Variants in NLRP9 observed in about 807,000 individuals in gnomAD.
The protein encoded by NLRP9 is NLR family pyrin domain containing 9.
NLRP9 carries 88 observed loss-of-function variants against 83.1 expected under a neutral mutation model. The ratio of observed to expected loss-of-function variants is 1.06; its 90% CI spans 0.89 to 1.26. NLRP9 has a LOEUF of 1.26. Ranked by LOEUF, NLRP9 falls within the 50% of genes most tolerant of loss-of-function variation. NLRP9 has a pLI of 0.00. For missense variants in NLRP9, 1,308 were observed against 1,179.3 expected, an observed-to-expected ratio of 1.11 and a Z score of -1.60; for synonymous variants, 521 against 447.6, an observed-to-expected ratio of 1.16 and a Z score of -2.07.
In NLRP9 at chr19:55,712,445, G is replaced by T; in HGVS notation, c.2647C>A (p.Pro883Thr). The T allele has an allele frequency of 2.5e-6, 4 of 1,612,718 alleles. No individual in the cohort carries two copies. In the African/African-American group the frequency reaches 5.3e-5, roughly 22 times the overall value. ...CCGAGACACTCTAATTTACAGTGAG[G>T]ATGCTGCAAAGCTGCACATAACTGT... Reference protein sequence around the residue: ...VRQLCAALQHPHCKLECLGLQ... With the variant: ...VRQLCAALQHTHCKLECLGLQ... Residue 883 changes from proline (P) to threonine (T), a missense_variant, in exon 7 of 9, where the codon CCT becomes ACT. Transcript: ENST00000332836.
At chr19:55,733,665 G>A (rs1399961324) in intron 1 of NLRP9, 115 bp from the exon 2 acceptor site, 5 of 672,744 alleles carry the variant, frequency 7.4e-6, no homozygotes, top group African/African-American at 1.8e-5. Context: ...CTGAAGCCAG[G>A]GTGCTTTTAA....
chr19:55,729,912 T>C lies in NLRP9; in HGVS notation c.1913A>G (p.Glu638Gly), dbSNP rs1480845063. 6.2e-7 allele frequency: 1 copy of C among 1,613,884 alleles called. No individual in the cohort carries two copies. Among genetic ancestry groups the C allele is most frequent in the Non-Finnish European group, 8.5e-7 (1 of 1,179,772 alleles). The change falls in exon 3 of 9, where the codon GAA becomes GGA. Residue 638 changes from glutamate (E) to glycine (G), a missense_variant. Transcript: ENST00000332836. ...TNKNFQILDM[E>G]NTSLDDPSLA... Reference sequence around the variant, plus strand: ...GGAGGGATCATCGAGGCTGGTATTTTCCATGTCTAAAATCTGGAAGTTCTT... The same window carrying C: ...GGAGGGATCATCGAGGCTGGTATTTCCCATGTCTAAAATCTGGAAGTTCTT...
chr19:55,728,075 T>G (rs1203329926), intron 3 of NLRP9, among the ~76,000 whole-genome samples: 1 of 152,200 alleles, frequency 6.6e-6, no homozygotes, highest in Non-Finnish European at 1.5e-5. Flanking sequence ...AAGTGTCATC[T>G]ACCAGGGAAG....
In NLRP9 at chr19:55,734,111, G is replaced by C. The variant is rs147807680; in HGVS notation, c.281-561C>G. Reference sequence around the variant, plus strand: ...TTAAGTTTTTTGTATTTTTAGTAGAGACGGAGTTTCACCGTGTTAGCCAGG... The same window carrying C: ...TTAAGTTTTTTGTATTTTTAGTAGACACGGAGTTTCACCGTGTTAGCCAGG... On this transcript the variant is annotated intron_variant, in intron 1 of 8. Transcript: ENST00000332836. 3.4e-4 allele frequency among the ~76,000 whole-genome samples: 51 copies of C among 151,546 alleles called. No individual in the cohort carries two copies. The East Asian group carries it at 9.3e-3, about 28-fold the overall frequency.
intron 3 of NLRP9, among the ~76,000 whole-genome samples, chr19:55,729,372 C>T (rs1366580568): frequency 6.6e-6 from 1 of 151,986 alleles, no homozygotes; most frequent in Non-Finnish European, 1.5e-5. Flanking sequence ...TCTCCTAATG[C>T]TATCCCTTCC....
chr19:55,711,232 C>CA (rs1600122818), intron 8 of NLRP9: 2 of 306,130 alleles, frequency 6.5e-6, no homozygotes, highest in East Asian at 3.4e-4. Context: ...ATACCCCGCC[C>CA]ATTTGTTTTT....
chr19:55,721,024 G>A (rs773363559), intron 4 of NLRP9, among the ~76,000 whole-genome samples: 7 of 152,194 alleles, frequency 4.6e-5, no homozygotes, highest in Non-Finnish European at 7.3e-5. Context: ...GGGAGAAAAC[G>A]GGACAAGTGG....
At chr19:55,715,771 TC>T (rs1987985157) in intron 5 of NLRP9, among the ~76,000 whole-genome samples, 1 of 151,986 alleles carries the variant, frequency 6.6e-6, no homozygotes, top group Non-Finnish European at 1.5e-5. Flanking sequence ...ACAAACAATC[TC>T]AGATTCCAGT....
chr19:55,733,919 A>AATTTTTTTTTTT (rs1555796186), intron 1 of NLRP9, among the ~76,000 whole-genome samples: 4 of 117,872 alleles, frequency 3.4e-5, no homozygotes, highest in Admixed American at 8.8e-5. Flanking sequence ...TGTCAACCAA[A>AATTTTTTTTTTT]TTTTTTTTTT....
intron 2 of NLRP9, among the ~76,000 whole-genome samples, chr19:55,730,899 A>G (rs917033002): frequency 1.3e-5 from 2 of 152,140 alleles, no homozygotes; most frequent in Non-Finnish European, 2.9e-5. Context: ...CATCCTGCAC[A>G]TGTATCCCTG....
rs906033739 is a variant in NLRP9 at position 55,712,113 on chromosome 19, C to A, written c.2673-143G>T. 8 of 826,374 alleles carry A rather than the reference C, an allele frequency of 9.7e-6. No individual in the cohort carries two copies. In the African/African-American group the frequency reaches 1.4e-4, roughly 14 times the overall value. The allele number at this position is 826,374 out of a possible 1,614,324, so 51.2% of individuals were successfully genotyped here. A position where few individuals can be genotyped will look rare whatever the true frequency, so the allele number is the denominator to read the frequency against. ...GCTTCTCAGCCAGGACGATTGTGCT[C>A]CTGGGGGACGTATGTCTAGTGACCT... On this transcript the variant is annotated intron_variant, in intron 7 of 8. Transcript: ENST00000332836.
Position 55,711,900 on chromosome 19 carries a change from G to A in NLRP9, c.2743C>T (p.Leu915=). ...ATCCAGTCGAGGTTCAGGCTCCTCA[G>A]TGTTTTGCAGGCGATGAGTGCTGCG... is the stretch of plus-strand genomic sequence containing the variant. The part of the protein sequence containing the change: ...IAAALIACKT[L]RSLNLDWIAL... The change falls in exon 8 of 9, where the codon CTG becomes TTG. Residue 915 remains leucine, a synonymous_variant. Transcript: ENST00000332836. 6.2e-7 allele frequency: 1 copy of A among 1,613,338 alleles called. No homozygotes were observed. Among genetic ancestry groups the A allele is most frequent in the Non-Finnish European group, 8.5e-7 (1 of 1,179,974 alleles).
intron 5 of NLRP9, 27 bp from the exon 6 acceptor site, chr19:55,715,252 CCTG>C: frequency 6.2e-7 from 1 of 1,600,806 alleles, no homozygotes; most frequent in Non-Finnish European, 8.5e-7. Context: ...CGTCTCCCAG[CCTG>C]CTGAACAGCA....
intron 8 of NLRP9, 78 bp from the exon 9 acceptor site, chr19:55,709,122 CCT>C (rs1987590429): frequency 2.2e-6 from 2 of 911,522 alleles, no homozygotes; most frequent in Admixed American, 6.9e-5. Context: ...CTGATGTCTA[CCT>C]CTCCTCTCCT....
chr19:55,715,920 C>T (rs942785390), intron 5 of NLRP9, among the ~76,000 whole-genome samples: 1 of 152,110 alleles, frequency 6.6e-6, no homozygotes, highest in Non-Finnish European at 1.5e-5. Flanking sequence ...GTTTAATACA[C>T]ATATTTAAGG....
chr19:55,716,647 G>T, intron 5 of NLRP9, 81 bp downstream of exon 5: 1 of 1,162,958 alleles, frequency 8.6e-7, no homozygotes, highest in Non-Finnish European at 1.3e-6. Context: ...CCCTCAGTGA[G>T]CACCGCGTTG....
rs1430197620 is a variant in NLRP9, at chr19:55,733,004, C to T, written c.827G>A (p.Gly276Glu). Residue 276 changes from glycine (G) to glutamate (E), a missense_variant, in exon 2 of 9, where the codon GGA (glycine) becomes GAA (glutamate). Physicochemically the swap from Gly to Glu is moderately conservative, Grantham distance 98. Coordinates refer to ENST00000332836, the MANE Select transcript of NLRP9 (RefSeq NM_176820.4). ...ATAGTGTTTTTGCATAGCCAGTTTT[C>T]CTAATGCAATAAGGAGAGAGGATTC... ...LPESSLLIAL[G>E]KLAMQKHYFM... 1.2e-6 allele frequency: 2 copies of T among 1,614,046 alleles called. No homozygotes were observed. The highest frequency in any genetic ancestry group is 3.3e-5 in the Admixed American group (2 of 60,004).
At chr19:55,736,216 C>T (rs1988780579) in intron 1 of NLRP9, among the ~76,000 whole-genome samples, 2 of 151,442 alleles carry the variant, frequency 1.3e-5, no homozygotes, top group Non-Finnish European at 2.9e-5. Flanking sequence ...ACGGTGAGAC[C>T]CCATCTCTAC....
intron 4 of NLRP9, among the ~76,000 whole-genome samples, chr19:55,720,928 G>C (rs1238307374): frequency 2.0e-5 from 3 of 152,178 alleles, no homozygotes; most frequent in Non-Finnish European, 4.4e-5. Flanking sequence ...CATATTATTA[G>C]TCATTAGAGA....
Sources: gnomAD v4.1 joint callset for allele counts (sites outside exome capture counted in the v4.1 genomes callset) on GRCh38, gnomAD v4.1.1 for gene constraint, MANE v1.5 for transcripts, NCBI Gene and HGNC (gene_info 2026-07-23, HGNC 2026-07-21) for gene names.